PRDM11: variants seen among roughly 807,000 people sequenced by gnomAD.
PRDM11 encodes PR domain-containing protein 11.
A neutral mutation model predicts 97.8 loss-of-function variants in PRDM11; 20 were observed. The ratio of observed to expected loss-of-function variants is 0.20; its 90% CI spans 0.14 to 0.30. The LOEUF (loss-of-function observed/expected upper bound fraction) is 0.30, where lower values mean the gene tolerates loss of function less well. PRDM11 is among the 10% of genes least tolerant of loss of function. The pLI is 1.00. For missense variants in PRDM11, 1,139 were observed against 1,555.2 expected, an observed-to-expected ratio of 0.73 and a Z score of 4.50; for synonymous variants, 599 against 637.7, an observed-to-expected ratio of 0.94 and a Z score of 0.91.
At chr11:45,194,034 A>G (rs1853010694) in intron 4 of PRDM11, among the ~76,000 whole-genome samples, 1 of 152,192 alleles carries the variant, frequency 6.6e-6, no homozygotes, top group Admixed American at 6.5e-5. Flanking sequence ...GGCTACATCA[A>G]TTTCACAGTT....
intron 1 of PRDM11, among the ~76,000 whole-genome samples, chr11:45,128,755 T>A (rs1852646851): frequency 6.6e-6 from 1 of 152,158 alleles, no homozygotes; most frequent in Admixed American, 6.5e-5. Flanking sequence ...TAATCTTATT[T>A]AAACTATTTC....
At chr11:45,132,312 T>C (rs961702904) in intron 1 of PRDM11, among the ~76,000 whole-genome samples, 4 of 152,132 alleles carry the variant, frequency 2.6e-5, no homozygotes, top group Non-Finnish European at 5.9e-5. Flanking sequence ...TGCCACTGAA[T>C]AGGCAACCCA....
In PRDM11 at chr11:45,175,307, G is replaced by A. The variant is rs80231541; in HGVS notation, c.-6-6454G>A. On this transcript the variant is annotated intron_variant, in intron 1 of 7. Transcript: ENST00000683152. ...TCCACCTATTTGTTCCTCTCTCCCC[G>A]CAACCCCTGCCAACCTCTGATCTTT... Among the ~76,000 whole-genome samples, 1,060 of 152,036 alleles carry A rather than the reference G, an allele frequency of 7.0e-3. 11 individuals are homozygous for A. The highest frequency in any genetic ancestry group is 0.024 in the African/African-American group (1,010 of 41,442).
chr11:45,095,914 A>G (rs1851882439), intron 1 of PRDM11: 2 of 780,640 alleles, frequency 2.6e-6, no homozygotes, highest in Admixed American at 1.7e-5. Flanking sequence ...AAGTTGTTTA[A>G]GCTGCTAATG....
chr11:45,192,078 T>G (rs1051725795), intron 4 of PRDM11, among the ~76,000 whole-genome samples: 1 of 152,000 alleles, frequency 6.6e-6, no homozygotes, highest in Admixed American at 6.6e-5. Flanking sequence ...CGAACTAGGT[T>G]TTGAGGGAGG....
At chr11:45,119,327 A>G (rs564673942) in intron 1 of PRDM11, among the ~76,000 whole-genome samples, 7 of 152,170 alleles carry the variant, frequency 4.6e-5, no homozygotes, top group Non-Finnish European at 8.8e-5. Context: ...CAGATTCTCA[A>G]TGAAAAACCT....
chr11:45,234,493 G>A lies in PRDM11; in HGVS notation c.*6334G>A, dbSNP rs1854464725. On this transcript the variant is annotated 3_prime_UTR_variant, in exon 8 of 8. Coordinates refer to ENST00000683152, the MANE Select transcript of PRDM11 (RefSeq NM_001384648.1). ...CACAGTTAGCTGCCAACTGGGTCTT[G>A]GGACACCCTCCAGTACCTGGCTCAA... The A allele has an allele frequency of 1.3e-5, 2 of 152,454 alleles. No homozygotes were observed. Among genetic ancestry groups the A allele is most frequent in the Non-Finnish European group, 2.9e-5 (2 of 68,248 alleles). 9.4% of individuals were successfully genotyped at this position (152,454 alleles called of 1,614,324 possible).
Position 45,181,773 on chromosome 11 carries a change from G to C in PRDM11, c.7G>C (p.Glu3Gln), listed in dbSNP as rs1482312460. Residue 3 changes from glutamate to glutamine, a missense_variant, in exon 2 of 8, where the codon GAG becomes CAG. Glu to Gln is a conservative substitution (Grantham distance 29, BLOSUM62 2). This residue lies in a region of PRDM11 where 429 missense variants were observed against 510.3 expected (regional missense o/e 0.84). Coordinates refer to ENST00000683152, the MANE Select transcript of PRDM11 (RefSeq NM_001384648.1). MT[E>Q]NMKECLAQTN... ...TCCTGCGTCCCAGGACAGAATGACC[G>C]AGAACATGAAGGAGTGCTTGGCCCA... The C allele has an allele frequency of 3.1e-6, 5 of 1,613,078 alleles. No homozygotes were observed. Among genetic ancestry groups the C allele is most frequent in the Admixed American group, 1.7e-5 (1 of 59,994 alleles).
intron 4 of PRDM11, among the ~76,000 whole-genome samples, chr11:45,195,715 A>G (rs1853098825): frequency 6.6e-6 from 1 of 151,980 alleles, no homozygotes; most frequent in South Asian, 2.1e-4. Flanking sequence ...CTGGGATTAC[A>G]GGTGTACACC....
chr11:45,163,576 G>A lies in PRDM11; in HGVS notation c.-7+16699G>A, dbSNP rs188919318. Reference sequence around the variant, plus strand: ...AATTCCCCCACCTCCACTCAGATTTGCACTCTTCCTAAATAGCTCTGACAG... The same window carrying A: ...AATTCCCCCACCTCCACTCAGATTTACACTCTTCCTAAATAGCTCTGACAG... On this transcript the variant is annotated intron_variant, in intron 1 of 7. Transcript: ENST00000683152. 2.0e-5 allele frequency among the ~76,000 whole-genome samples: 3 copies of A among 152,278 alleles called. No homozygotes were observed. In the East Asian group the frequency reaches 5.8e-4, roughly 29 times the overall value.
At chr11:45,120,043 T>G (rs1353701867) in intron 1 of PRDM11, among the ~76,000 whole-genome samples, 1 of 152,220 alleles carries the variant, frequency 6.6e-6, no homozygotes, top group Non-Finnish European at 1.5e-5. Context: ...GAATATCTCT[T>G]AAAAATCCAA....
chr11:45,151,711 A>C (rs1851663933), intron 1 of PRDM11, among the ~76,000 whole-genome samples: 1 of 152,210 alleles, frequency 6.6e-6, no homozygotes, highest in Non-Finnish European at 1.5e-5. Context: ...AAGTCAGGGA[A>C]AGCTTCGCTG....
intron 4 of PRDM11, among the ~76,000 whole-genome samples, chr11:45,194,692 G>A (rs370498957): frequency 0.013 from 1,758 of 138,570 alleles, 36 homozygotes; most frequent in African/African-American, 0.046. Flanking sequence ...TCCGCCTCCC[G>A]GGTTCACGCC....
intron 5 of PRDM11, among the ~76,000 whole-genome samples, chr11:45,217,948 G>T (rs778645536): frequency 2.6e-5 from 4 of 152,152 alleles, no homozygotes; most frequent in Non-Finnish European, 5.9e-5. Flanking sequence ...TAAAACATTG[G>T]TATATTTCCT....
chr11:45,096,712 AT>A (rs1851891042), intron 1 of PRDM11, among the ~76,000 whole-genome samples: 1 of 152,162 alleles, frequency 6.6e-6, no homozygotes, highest in African/African-American at 2.4e-5. Context: ...TGTCTTTCTG[AT>A]TATTTCCTGA....
Position 45,220,052 on chromosome 11 carries a change from A to G in PRDM11, c.742+295A>G, listed in dbSNP as rs538985529. 2.6e-5 allele frequency among the ~76,000 whole-genome samples: 4 copies of G among 152,270 alleles called. No individual in the cohort carries two copies. In the South Asian group the frequency reaches 8.3e-4, roughly 32 times the overall value. On this transcript the variant is annotated intron_variant, in intron 6 of 7. Coordinates refer to ENST00000683152, the MANE Select transcript of PRDM11 (RefSeq NM_001384648.1). ...AATATGTTTAATCAAAATGTACCCTATTTCCCCAACTCCAGTTGATGAAAA... is the reference window on the plus strand; with the variant it reads ...AATATGTTTAATCAAAATGTACCCTGTTTCCCCAACTCCAGTTGATGAAAA...
intron 5 of PRDM11, chr11:45,209,165 C>A (rs531529270): frequency 2.2e-6 from 1 of 453,850 alleles, no homozygotes. Flanking sequence ...GCCCTGGGGC[C>A]GGGGGCCGGG....
At chr11:45,108,289 G>T (rs1156411489) in intron 1 of PRDM11, among the ~76,000 whole-genome samples, 1 of 152,184 alleles carries the variant, frequency 6.6e-6, no homozygotes, top group Admixed American at 6.5e-5. Flanking sequence ...TGCTGCCCTG[G>T]CCTCTTACGT....
chr11:45,182,968 C>T lies in PRDM11; in HGVS notation c.331C>T (p.Leu111Phe), dbSNP rs1191326213. 3 of 1,613,956 alleles carry T rather than the reference C, an allele frequency of 1.9e-6. No homozygotes were observed. The highest frequency in any genetic ancestry group is 1.3e-5 in the African/African-American group (1 of 74,936). ...VPVGIPDRAALTIPQGMEVVK... is the reference protein window; with the variant it reads ...VPVGIPDRAAFTIPQGMEVVK... ...CGTGGGCATCCCAGACCGGGCGGCG[C>T]TCACCATCCCACAGGGCATGGAGGT... The change falls in exon 4 of 8, where the codon CTC becomes TTC. Residue 111 changes from leucine (L) to phenylalanine (F), a missense_variant. Leu to Phe is a conservative substitution (Grantham distance 22, BLOSUM62 0). This residue lies in a region of PRDM11 where 429 missense variants were observed against 510.3 expected (regional missense o/e 0.84). Transcript: ENST00000683152.
Sources: allele counts gnomAD v4.1 joint callset (sites outside exome capture counted in the v4.1 genomes callset), GRCh38; gene constraint gnomAD v4.1.1; regional missense constraint gnomAD v4.1.1; transcripts MANE v1.5; gene names NCBI Gene and HGNC (gene_info 2026-07-23, HGNC 2026-07-21).